Variants in NBAS observed in about 807,000 individuals in gnomAD.
NBAS encodes NBAS subunit of NRZ tethering complex, also known as NAG/BC035112 fusion.
Under a neutral mutation model 302.5 loss-of-function variants are expected in NBAS, and 219 were observed. The ratio of observed to expected loss-of-function variants is 0.72; its 90% CI spans 0.65 to 0.81. The LOEUF is 0.81. Ranked by LOEUF, NBAS falls within the 30% of genes least tolerant of loss-of-function variation. The pLI, the probability that NBAS is intolerant of heterozygous loss-of-function variation, is 0.00. For missense variants in NBAS, 2,932 were observed against 2,841.6 expected, an observed-to-expected ratio of 1.03 and a Z score of -0.72; for synonymous variants, 1,118 against 1,021.6, an observed-to-expected ratio of 1.09 and a Z score of -1.80.
chr2:15,144,120 A>T, the NBAS span, among the ~76,000 whole-genome samples: 1 of 145,200 alleles, frequency 6.9e-6, no homozygotes, highest in Non-Finnish European at 1.5e-5. Flanking sequence ...ACCTTGTCAC[A>T]TTGTTGTGAC....
chr2:14,835,217 G>T, the NBAS span, among the ~76,000 whole-genome samples: 1 of 151,922 alleles, frequency 6.6e-6, no homozygotes, highest in South Asian at 2.1e-4. Flanking sequence ...AATTTGAAGT[G>T]CCAATGGAAC....
At chr2:15,150,901 G>T in the NBAS span, among the ~76,000 whole-genome samples, 1 of 152,156 alleles carries the variant, frequency 6.6e-6, no homozygotes, top group Non-Finnish European at 1.5e-5. Flanking sequence ...CTTACATTCA[G>T]ATTTCTTGTT....
At chr2:14,912,728 A>AAAAAAAT in the NBAS span, among the ~76,000 whole-genome samples, 1 of 148,172 alleles carries the variant, frequency 6.7e-6, no homozygotes, top group Non-Finnish European at 1.5e-5. Flanking sequence ...AAAAAAAAAA[A>AAAAAAAT]GGAAATCCCT....
intron 48 of NBAS, among the ~76,000 whole-genome samples, chr2:15,201,564 T>C (rs963784184): frequency 5.9e-5 from 9 of 152,204 alleles, no homozygotes; most frequent in Admixed American, 1.3e-4. Context: ...TAATAAACAA[T>C]ATTATGACTG....
At position 15,554,092 on chromosome 2, in the gene NBAS, T is replaced by C. The variant is rs200344246; in HGVS notation, c.256A>G (p.Lys86Glu). 3.1e-6 allele frequency: 5 copies of C among 1,614,038 alleles called. No individual in the cohort carries two copies. The South Asian group carries it at 3.3e-5, about 11-fold the overall frequency. ...AGTACCAAATGCCAGTTTATCTGTT[T>C]ATTAACCAAGCGAACCAGTCCATCA... The part of the protein sequence containing the change: ...LPDGLVRLVN[K>E]QINWHLVLAS... The change falls in exon 4 of 52, where the codon AAA becomes GAA. Residue 86 changes from lysine (K) to glutamate (E), a missense_variant. Lys to Glu is a moderately conservative substitution (Grantham distance 56). Coordinates refer to ENST00000281513, the MANE Select transcript of NBAS (RefSeq NM_015909.4).
intron 31 of NBAS, among the ~76,000 whole-genome samples, chr2:15,370,575 G>C (rs1163990976): frequency 6.6e-6 from 1 of 152,190 alleles, no homozygotes; most frequent in Non-Finnish European, 1.5e-5. Flanking sequence ...GGGATTAGAG[G>C]AGTGAGCCAC....
At position 15,511,173 on chromosome 2, in the gene NBAS, T is replaced by C. The variant is rs776322433; in HGVS notation, c.885+39A>G. The stretch of plus-strand genomic sequence containing the variant: ...GTCTAAGACAAATAGCACAGTGAAA[T>C]GACACATAGCAAAGTGAAGTGCCAT... On this transcript the variant is annotated intron_variant, in intron 10 of 51. Transcript: ENST00000281513. The C allele has an allele frequency of 3.1e-6, 5 of 1,612,980 alleles. No individual in the cohort carries two copies. In the Admixed American group the frequency reaches 8.3e-5, roughly 27 times the overall value.
At chr2:14,783,335 T>TATA in the NBAS span, among the ~76,000 whole-genome samples, 1 of 151,848 alleles carries the variant, frequency 6.6e-6, no homozygotes, top group Non-Finnish European at 1.5e-5. Context: ...TTATTATTAT[T>TATA]ATACTTTAAG....
At chr2:14,936,755 TAA>T in the NBAS span, among the ~76,000 whole-genome samples, 1 of 152,018 alleles carries the variant, frequency 6.6e-6, no homozygotes, top group Non-Finnish European at 1.5e-5. Context: ...AGGAAAACAG[TAA>T]AAGAGGGCAC....
chr2:14,957,219 G>C, the NBAS span, among the ~76,000 whole-genome samples: 3 of 151,846 alleles, frequency 2.0e-5, no homozygotes, highest in African/African-American at 7.3e-5. Context: ...GAGCTATTTG[G>C]GAGGCACTAG....
chr2:15,048,037 A>AAT, the NBAS span, among the ~76,000 whole-genome samples: 17 of 152,224 alleles, frequency 1.1e-4, no homozygotes, highest in African/African-American at 3.4e-4. Flanking sequence ...CTAGTGGAGA[A>AAT]CTCCTGCTGG....
At chr2:15,487,161 C>T (rs931481506) in intron 12 of NBAS, among the ~76,000 whole-genome samples, 4 of 152,116 alleles carry the variant, frequency 2.6e-5, no homozygotes, top group Non-Finnish European at 5.9e-5. Flanking sequence ...AAAAATGTTG[C>T]CCAAATCTAA....
intron 21 of NBAS, among the ~76,000 whole-genome samples, chr2:15,435,643 C>G (rs1677974555): frequency 6.6e-6 from 1 of 152,160 alleles, no homozygotes; most frequent in African/African-American, 2.4e-5. Flanking sequence ...GCCACTATGG[C>G]ATTTTACTTA....
the NBAS span, among the ~76,000 whole-genome samples, chr2:15,034,451 A>C: frequency 2.6e-5 from 4 of 152,186 alleles, no homozygotes; most frequent in East Asian, 5.8e-4. Context: ...CTGATCTTGG[A>C]CTTCCAGCTT....
rs1662126199 is a variant in NBAS, at chr2:15,511,212, T to C, written c.885A>G (p.Ala295=). 1 of 1,614,094 alleles carries C rather than the reference T, an allele frequency of 6.2e-7. No homozygotes were observed. Among genetic ancestry groups the C allele is most frequent in the Non-Finnish European group, 8.5e-7 (1 of 1,179,972 alleles). ...GTGAAGTGCCATAACTCATACTTAC[T>C]GCAGTAACCCCGTCTCCACCATTAG... ...QVTNGGDGVT[A]VPKTLGLLRM... The change falls in exon 10 of 52, where the codon GCA becomes GCG. Residue 295 remains alanine (A), a splice_region_variant and synonymous_variant. Coordinates refer to ENST00000281513, the MANE Select transcript of NBAS (RefSeq NM_015909.4).
At chr2:15,121,388 G>C in the NBAS span, among the ~76,000 whole-genome samples, 1 of 152,172 alleles carries the variant, frequency 6.6e-6, no homozygotes, top group Non-Finnish European at 1.5e-5. Context: ...CCATGGTTCT[G>C]TGGTGCAGCA....
the NBAS span, among the ~76,000 whole-genome samples, chr2:14,839,337 G>C: frequency 3.9e-5 from 6 of 152,054 alleles, no homozygotes; most frequent in African/African-American, 1.4e-4. Flanking sequence ...GTGAGAGCAA[G>C]TGGACAACCA....
chr2:14,910,333 T>C, the NBAS span, among the ~76,000 whole-genome samples: 6 of 152,232 alleles, frequency 3.9e-5, no homozygotes, highest in Non-Finnish European at 8.8e-5. Flanking sequence ...AATCCAGCTC[T>C]CCTTTTTCTG....
intron 9 of NBAS, among the ~76,000 whole-genome samples, chr2:15,523,795 T>A (rs952701552): frequency 6.6e-6 from 1 of 152,038 alleles, no homozygotes; most frequent in African/African-American, 2.4e-5. Context: ...ACACCTGTAA[T>A]CCCAGCAACT....
Sources: gnomAD v4.1 joint callset for allele counts (sites outside exome capture counted in the v4.1 genomes callset) on GRCh38, gnomAD v4.1.1 for gene constraint, MANE v1.5 for transcripts, NCBI Gene and HGNC (gene_info 2026-07-23, HGNC 2026-07-21) for gene names.